The following APP variants were observed in gnomAD, a reference collection of about 807,000 sequenced individuals.
The protein encoded by APP is amyloid beta precursor protein, also known as amyloid-beta precursor protein.
Under a neutral mutation model 101.4 loss-of-function variants are expected in APP, and 31 were observed. The observed-to-expected ratio is 0.31, with a 90% CI of 0.23 to 0.41. The LOEUF is 0.41. APP is among the 10% of genes least tolerant of loss of function. The pLI, the probability that APP is intolerant of heterozygous loss-of-function variation, is 1.00. For synonymous variants in APP, 366 were observed against 364.4 expected (o/e 1.00, Z -0.05); for missense variants, 839 against 1,003.7 (o/e 0.84, Z 2.22).
rs913925398 is a variant in APP at position 26,170,577 on chromosome 21, G to A, written c.44C>T (p.Ala15Val). Residue 15 changes from alanine to valine, a missense_variant, in exon 1 of 18, where the codon GCT becomes GTT. Physicochemically the swap from Ala to Val is moderately conservative, Grantham distance 64 (BLOSUM62 0). Coordinates refer to ENST00000346798, the MANE Select transcript of APP (RefSeq NM_000484.4). Reference sequence around the variant, plus strand: ...CGCGGCACCCACCTCCAGCGCCCGAGCCGTCCAGGCGGCCAGCAGGAGCAG... The same window carrying A: ...CGCGGCACCCACCTCCAGCGCCCGAACCGTCCAGGCGGCCAGCAGGAGCAG... ...LALLLLAAWT[A>V]RALEVPTDGN... 20 of 1,538,764 alleles carry A rather than the reference G, an allele frequency of 1.3e-5. No individual in the cohort carries two copies. The East Asian group carries it at 4.2e-4, about 32-fold the overall frequency.
At chr21:26,039,821 AATTT>A (rs1179651801) in intron 5 of APP, among the ~76,000 whole-genome samples, 2 of 151,546 alleles carry the variant, frequency 1.3e-5, no homozygotes, top group African/African-American at 2.4e-5. Flanking sequence ...AATTGCAAAA[AATTT>A]ATTTATATAA....
chr21:26,018,431 C>T (rs1382929992), intron 6 of APP, among the ~76,000 whole-genome samples: 3 of 152,204 alleles, frequency 2.0e-5, no homozygotes, highest in African/African-American at 4.8e-5. Context: ...TCACCTATGG[C>T]GTTGCCATTG....
intron 6 of APP, among the ~76,000 whole-genome samples, chr21:26,019,221 C>T (rs2146767113): frequency 6.6e-6 from 1 of 152,340 alleles, no homozygotes; most frequent in South Asian, 2.1e-4. Context: ...AGTTAATGCC[C>T]ATCTTTGCCA....
chr21:26,034,656 G>A (rs376154423), intron 5 of APP, among the ~76,000 whole-genome samples: 27 of 138,386 alleles, frequency 2.0e-4, no homozygotes, highest in African/African-American at 2.7e-4. Context: ...AAAAGAAAAA[G>A]AAAAAGAAAA....
intron 1 of APP, among the ~76,000 whole-genome samples, chr21:26,159,819 T>A (rs1014287754): frequency 1.3e-5 from 2 of 152,198 alleles, no homozygotes; most frequent in African/African-American, 2.4e-5. Flanking sequence ...ATGCTTCCCA[T>A]CTGTGTCCCT....
intron 1 of APP, among the ~76,000 whole-genome samples, chr21:26,114,463 T>A (rs952383123): frequency 6.6e-6 from 1 of 152,196 alleles, no homozygotes; most frequent in African/African-American, 2.4e-5. Context: ...ATGCTGCAAC[T>A]CTTTTAAAAA....
At chr21:26,164,993 AATT>A (rs2063576636) in intron 1 of APP, among the ~76,000 whole-genome samples, 1 of 152,182 alleles carries the variant, frequency 6.6e-6, no homozygotes, top group Non-Finnish European at 1.5e-5. Context: ...AATGAGCATG[AATT>A]ATTTTCATTT....
intron 16 of APP, among the ~76,000 whole-genome samples, chr21:25,895,762 G>C (rs1212909985): frequency 6.6e-6 from 1 of 152,118 alleles, no homozygotes; most frequent in Non-Finnish European, 1.5e-5. Context: ...AAACAAATAT[G>C]CTAGCTCAAC....
chr21:25,904,966 C>T (rs45558740), intron 15 of APP, 58 bp downstream of exon 15: 34,389 of 1,445,898 alleles, frequency 0.024, 494 homozygotes, highest in Non-Finnish European at 0.027. Context: ...AAGGAGACAA[C>T]GTCTGCTCGA....
chr21:26,142,790 T>G (rs2063076773), intron 1 of APP, among the ~76,000 whole-genome samples: 1 of 147,718 alleles, frequency 6.8e-6, no homozygotes, highest in African/African-American at 2.4e-5. Context: ...AAAGAAAAAG[T>G]GAAAAAAAAC....
At chr21:25,985,369 A>G (rs2042599104) in intron 8 of APP, among the ~76,000 whole-genome samples, 1 of 152,226 alleles carries the variant, frequency 6.6e-6, no homozygotes. Flanking sequence ...TGGTGCACTC[A>G]GTAAAGTAAA....
chr21:26,017,750 C>G (rs116499399), intron 6 of APP, among the ~76,000 whole-genome samples: 2,073 of 152,310 alleles, frequency 0.014, 47 homozygotes, highest in African/African-American at 0.046. Flanking sequence ...CCTGATATCT[C>G]TGGTTTCTGA....
chr21:26,102,336 G>A (rs776534235), intron 2 of APP, among the ~76,000 whole-genome samples: 16 of 151,936 alleles, frequency 1.1e-4, no homozygotes, highest in Admixed American at 2.6e-4. Flanking sequence ...TGATCTGCCC[G>A]CCTCGGCCTC....
chr21:25,894,847 C>T (rs1004776477), intron 16 of APP, among the ~76,000 whole-genome samples: 5 of 152,176 alleles, frequency 3.3e-5, no homozygotes, highest in African/African-American at 4.8e-5. Flanking sequence ...AAAATGCTAT[C>T]AAACAGCATC....
intron 11 of APP, among the ~76,000 whole-genome samples, chr21:25,965,441 T>C (rs951390316): frequency 6.6e-6 from 1 of 152,244 alleles, no homozygotes; most frequent in Non-Finnish European, 1.5e-5. Flanking sequence ...TCTAACTGGT[T>C]AGCCTATTCA....
chr21:25,967,147 A>G (rs2041827017), intron 11 of APP, among the ~76,000 whole-genome samples: 1 of 152,254 alleles, frequency 6.6e-6, no homozygotes, highest in Non-Finnish European at 1.5e-5. Context: ...CATGTGGCTG[A>G]ACCATTCAAA....
intron 2 of APP, among the ~76,000 whole-genome samples, chr21:26,090,881 A>T (rs2061809181): frequency 6.6e-6 from 1 of 152,194 alleles, no homozygotes; most frequent in African/African-American, 2.4e-5. Context: ...ATAAAAATAA[A>T]CTCATGAATT....
chr21:26,083,513 T>C (rs2061639397), intron 3 of APP, among the ~76,000 whole-genome samples: 1 of 152,220 alleles, frequency 6.6e-6, no homozygotes, highest in African/African-American at 2.4e-5. Flanking sequence ...ATGGTTTTGA[T>C]TATTTTTAGC....
At chr21:26,033,004 G>A (rs1820865429) in intron 5 of APP, among the ~76,000 whole-genome samples, 1 of 152,142 alleles carries the variant, frequency 6.6e-6, no homozygotes, top group Non-Finnish European at 1.5e-5. Flanking sequence ...ACAGACTGAA[G>A]AATAATCTGT....
Sources: gnomAD v4.1 joint callset for allele counts (sites outside exome capture counted in the v4.1 genomes callset) on GRCh38, gnomAD v4.1.1 for gene constraint, MANE v1.5 for transcripts, NCBI Gene and HGNC (gene_info 2026-07-23, HGNC 2026-07-21) for gene names.